Variants in CACNA2D1 observed in about 807,000 individuals in gnomAD.
The protein encoded by CACNA2D1 is calcium voltage-gated channel auxiliary subunit alpha2delta 1, also known as voltage-dependent calcium channel subunit alpha-2/delta-1.
Under a neutral mutation model 171.5 loss-of-function variants are expected in CACNA2D1, and 53 were observed. The observed-to-expected ratio is 0.31, with a 90% CI of 0.25 to 0.39. The LOEUF is 0.39. Ranked by LOEUF, CACNA2D1 falls within the 10% of genes least tolerant of loss-of-function variation. The pLI, the probability that CACNA2D1 is intolerant of heterozygous loss-of-function variation, is 1.00. For synonymous variants in CACNA2D1, 442 were observed against 443.1 expected, an observed-to-expected ratio of 1.00 and a Z score of 0.03; for missense variants, 903 against 1,299.8, an observed-to-expected ratio of 0.69 and a Z score of 4.69.
chr7:81,996,960 A>T (rs957845754), intron 19 of CACNA2D1, among the ~76,000 whole-genome samples: 1 of 152,140 alleles, frequency 6.6e-6, no homozygotes, highest in African/African-American at 2.4e-5. Flanking sequence ...AAGAAGACTA[A>T]GGTCGAACCC....
intron 5 of CACNA2D1, among the ~76,000 whole-genome samples, chr7:82,134,647 C>A (rs1049379674): frequency 5.3e-5 from 8 of 152,036 alleles, no homozygotes; most frequent in African/African-American, 1.4e-4. Flanking sequence ...GAATCCTTAT[C>A]CTAAGCATAA....
intron 1 of CACNA2D1, among the ~76,000 whole-genome samples, chr7:82,353,778 C>T (rs1820111698): frequency 1.3e-5 from 2 of 152,132 alleles, no homozygotes; most frequent in South Asian, 4.1e-4. Context: ...GGAATCAGTG[C>T]TCCTTTTGGT....
At chr7:82,439,916 A>G (rs1366208520) in intron 1 of CACNA2D1, among the ~76,000 whole-genome samples, 1 of 151,896 alleles carries the variant, frequency 6.6e-6, no homozygotes, top group African/African-American at 2.4e-5. Context: ...TGTAAAATGT[A>G]AACAGAAACT....
chr7:82,439,396 G>A (rs1830330416), intron 1 of CACNA2D1, among the ~76,000 whole-genome samples: 1 of 151,772 alleles, frequency 6.6e-6, no homozygotes, highest in Non-Finnish European at 1.5e-5. Flanking sequence ...ACAGAAAGAT[G>A]TCTACACAGT....
intron 1 of CACNA2D1, among the ~76,000 whole-genome samples, chr7:82,432,355 T>C (rs751131538): frequency 2.6e-5 from 4 of 152,226 alleles, no homozygotes; most frequent in Non-Finnish European, 5.9e-5. Flanking sequence ...TTAGATCCAC[T>C]GGCATTTGCA....
chr7:82,419,168 G>A (rs1012902192), intron 1 of CACNA2D1, among the ~76,000 whole-genome samples: 5 of 151,074 alleles, frequency 3.3e-5, no homozygotes, highest in Non-Finnish European at 4.4e-5. Context: ...ACACTGTCAT[G>A]AGCCTGTCCC....
chr7:82,119,504 C>CA (rs1204380449), intron 5 of CACNA2D1, among the ~76,000 whole-genome samples: 2 of 152,056 alleles, frequency 1.3e-5, no homozygotes, highest in Admixed American at 1.3e-4. Context: ...TTGACAGGTA[C>CA]AAAAAGCTCT....
At chr7:82,176,897 A>G (rs1004011469) in intron 3 of CACNA2D1, among the ~76,000 whole-genome samples, 1 of 151,948 alleles carries the variant, frequency 6.6e-6, no homozygotes, top group East Asian at 1.9e-4. Flanking sequence ...TGCTTTCTCA[A>G]TAGTTAAACT....
At chr7:82,326,166 TA>T (rs1816622837) in intron 3 of CACNA2D1, among the ~76,000 whole-genome samples, 1 of 152,194 alleles carries the variant, frequency 6.6e-6, no homozygotes, top group South Asian at 2.1e-4. Flanking sequence ...TAATCTTTCT[TA>T]AATGTACGTA....
chr7:82,060,184 TATATATTATATATATATTATATATATA>T (rs1562981523), intron 10 of CACNA2D1, among the ~76,000 whole-genome samples: 258 of 15,484 alleles, frequency 0.017, 69 homozygotes, highest in Admixed American at 0.021. Context: ...ATATAATATA[TATATATTATATATATATTATATATATA>T]ATATATATAT....
chr7:81,951,781 T>C (rs1469194633), intron 38 of CACNA2D1, among the ~76,000 whole-genome samples: 2 of 152,076 alleles, frequency 1.3e-5, no homozygotes, highest in African/African-American at 4.8e-5. Context: ...CAATTTTGAA[T>C]TGTGCTGCTA....
At chr7:82,024,290 C>T (rs1409860616) in intron 12 of CACNA2D1, among the ~76,000 whole-genome samples, 2 of 151,566 alleles carry the variant, frequency 1.3e-5, no homozygotes, top group Non-Finnish European at 3.0e-5. Context: ...AGGATTCCAC[C>T]TTCTCCACAT....
chr7:82,070,132 T>A (rs1239806627), intron 7 of CACNA2D1, among the ~76,000 whole-genome samples: 3 of 152,156 alleles, frequency 2.0e-5, no homozygotes, highest in African/African-American at 4.8e-5. Flanking sequence ...ATTACTATCA[T>A]CCCAGAATGG....
intron 22 of CACNA2D1, 156 bp downstream of exon 22, chr7:81,984,479 C>A (rs1796755405): frequency 1.5e-6 from 1 of 658,026 alleles, no homozygotes; most frequent in Admixed American, 2.1e-5. Flanking sequence ...TTGTTCCTTG[C>A]ATGTTTGGAA....
rs1796467273 is a variant in CACNA2D1, at chr7:81,981,817, A to AACCT, written c.1955+749_1955+750insAGGT. 8.5e-5 allele frequency among the ~76,000 whole-genome samples: 13 copies of AACCT among 152,250 alleles called. No homozygotes were observed. The South Asian group carries it at 2.7e-3, about 32-fold the overall frequency. On this transcript the variant is annotated intron_variant, in intron 24 of 38. Transcript: ENST00000356860. ...GGGAGATTATATGAGAGATAAATAAAATTGGGTAGAAAGAAATGAGGTGCA... is the reference window on the plus strand; with the variant it reads ...GGGAGATTATATGAGAGATAAATAAAACCTATTGGGTAGAAAGAAATGAGGTGCA...
chr7:81,970,367 T>C (rs1195333632), intron 27 of CACNA2D1, among the ~76,000 whole-genome samples: 1 of 151,356 alleles, frequency 6.6e-6, no homozygotes, highest in Non-Finnish European at 1.5e-5. Flanking sequence ...ATATTGCTGA[T>C]TGGTTATAAT....
intron 3 of CACNA2D1, among the ~76,000 whole-genome samples, chr7:82,171,165 T>C (rs1192030294): frequency 3.3e-5 from 5 of 152,090 alleles, no homozygotes; most frequent in African/African-American, 1.2e-4. Context: ...CATCTTAAAA[T>C]TGCTTTATTT....
intron 1 of CACNA2D1, among the ~76,000 whole-genome samples, chr7:82,360,558 T>C (rs1820979861): frequency 6.6e-6 from 1 of 152,170 alleles, no homozygotes; most frequent in African/African-American, 2.4e-5. Flanking sequence ...CAGCAATTGA[T>C]TCTGATATTA....
chr7:82,341,433 T>C (rs998597480), intron 2 of CACNA2D1, among the ~76,000 whole-genome samples: 1 of 152,110 alleles, frequency 6.6e-6, no homozygotes, highest in Admixed American at 6.5e-5. Flanking sequence ...AAACAAAACC[T>C]CCTTTTCCCC....
Sources: allele counts gnomAD v4.1 joint callset (sites outside exome capture counted in the v4.1 genomes callset), GRCh38; gene constraint gnomAD v4.1.1; transcripts MANE v1.5; gene names NCBI Gene and HGNC (gene_info 2026-07-23, HGNC 2026-07-21).